STK38L: variants seen among roughly 807,000 people sequenced by gnomAD.
STK38L encodes serine/threonine-protein kinase 38-like.
STK38L carries 28 observed loss-of-function variants against 59.7 expected under a neutral mutation model. That is an observed-to-expected ratio of 0.47 (90% confidence interval 0.35 to 0.64). The LOEUF is 0.64. Among genes scored for constraint, STK38L ranks in the 30% least tolerant of loss-of-function variants. The probability of loss-of-function intolerance (pLI) is 0.01; values close to 1 mark genes in which losing one functional copy is unlikely to be tolerated. For missense variants in STK38L, 314 were observed against 555.8 expected (o/e 0.56, Z 4.37); for synonymous variants, 162 against 176.8 (o/e 0.92, Z 0.66).
At chr12:27,296,328 C>G (rs1944020998) in intron 1 of STK38L, among the ~76,000 whole-genome samples, 2 of 152,196 alleles carry the variant, frequency 1.3e-5, no homozygotes, top group Admixed American at 6.5e-5. Flanking sequence ...TTAAAGTAGT[C>G]AGCAGAGGAA....
intron 1 of STK38L, among the ~76,000 whole-genome samples, chr12:27,294,035 G>A (rs1943954566): frequency 6.6e-6 from 1 of 152,118 alleles, no homozygotes; most frequent in Non-Finnish European, 1.5e-5. Flanking sequence ...GCTCTTTAAT[G>A]GTACTTTTAA....
intron 1 of STK38L, among the ~76,000 whole-genome samples, chr12:27,275,631 G>T (rs988307381): frequency 6.6e-6 from 1 of 152,118 alleles, no homozygotes; most frequent in East Asian, 1.9e-4. Context: ...GAGCCACCAC[G>T]CCCGGACTGA....
At chr12:27,307,743 A>G (rs1266306488) in intron 3 of STK38L, among the ~76,000 whole-genome samples, 2 of 152,202 alleles carry the variant, frequency 1.3e-5, no homozygotes, top group Non-Finnish European at 2.9e-5. Context: ...TGGTCTTTGT[A>G]GAATCAGTTA....
At chr12:27,254,021 T>C (rs1399025201) in intron 1 of STK38L, among the ~76,000 whole-genome samples, 1 of 152,098 alleles carries the variant, frequency 6.6e-6, no homozygotes. Context: ...TTTTGTGAAA[T>C]TAAACAGAAA....
Position 27,259,284 on chromosome 12 carries a change from G to A in STK38L, c.-12+14952G>A, listed in dbSNP as rs76751484. Among the ~76,000 whole-genome samples the A allele has an allele frequency of 2.5e-3, 376 of 152,160 alleles. 3 individuals are homozygous for A. Among genetic ancestry groups the A allele is most frequent in the African/African-American group, 8.5e-3 (352 of 41,502 alleles). ...CTTTGTCTCCTGTCTTAACCTCTTT[G>A]GTCTTCCTGACTTGTTAAAGAGTTA... On this transcript the variant is annotated intron_variant, in intron 1 of 13. Transcript: ENST00000389032.
chr12:27,268,671 T>C (rs1422523092), intron 1 of STK38L, among the ~76,000 whole-genome samples: 1 of 152,132 alleles, frequency 6.6e-6, no homozygotes, highest in Non-Finnish European at 1.5e-5. Context: ...ATTTCTAGTT[T>C]TAGATCCCTG....
At chr12:27,285,501 T>A (rs1197035839) in intron 1 of STK38L, among the ~76,000 whole-genome samples, 2 of 152,198 alleles carry the variant, frequency 1.3e-5, no homozygotes, top group African/African-American at 4.8e-5. Flanking sequence ...TATTCAAAGT[T>A]TACTTTTAAG....
intron 5 of STK38L, among the ~76,000 whole-genome samples, chr12:27,312,134 C>T (rs1024695334): frequency 3.0e-5 from 4 of 132,116 alleles, no homozygotes; most frequent in Non-Finnish European, 7.3e-5. Flanking sequence ...CTGCCCTGGC[C>T]TCCCAAAGTG....
chr12:27,255,302 A>G (rs1943068800), intron 1 of STK38L, among the ~76,000 whole-genome samples: 1 of 152,238 alleles, frequency 6.6e-6, no homozygotes, highest in Admixed American at 6.5e-5. Context: ...CTAAGAAATT[A>G]GAGCCTGTGC....
chr12:27,272,343 A>G (rs1447695554), intron 1 of STK38L, among the ~76,000 whole-genome samples: 2 of 152,220 alleles, frequency 1.3e-5, no homozygotes, highest in Non-Finnish European at 2.9e-5. Flanking sequence ...GATCTGCTGT[A>G]TGGTATTATG....
intron 12 of STK38L, among the ~76,000 whole-genome samples, chr12:27,320,221 A>G (rs1944691597): frequency 1.3e-5 from 2 of 152,144 alleles, no homozygotes; most frequent in South Asian, 4.1e-4. Flanking sequence ...TCCTTGGTAC[A>G]GCTCTTCACT....
chr12:27,277,541 A>G (rs1163940681), intron 1 of STK38L, among the ~76,000 whole-genome samples: 1 of 152,196 alleles, frequency 6.6e-6, no homozygotes, highest in Non-Finnish European at 1.5e-5. Flanking sequence ...AAAGGACATA[A>G]TTGAGGAAGG....
At chr12:27,297,662 A>G in intron 1 of STK38L, 48 bp from the exon 2 acceptor site, 3 of 1,561,326 alleles carry the variant, frequency 1.9e-6, no homozygotes, top group Non-Finnish European at 2.6e-6. Context: ...TATAAAAGAT[A>G]GGGGTTTTTT....
chr12:27,277,818 TA>T (rs890432380), intron 1 of STK38L, among the ~76,000 whole-genome samples: 16 of 147,722 alleles, frequency 1.1e-4, no homozygotes, highest in Admixed American at 3.4e-4. Flanking sequence ...TTTCTCCCCT[TA>T]AAAAAAAAAG....
chr12:27,252,470 CTT>C (rs1251491754), intron 1 of STK38L, among the ~76,000 whole-genome samples: 1 of 152,154 alleles, frequency 6.6e-6, no homozygotes, highest in Non-Finnish European at 1.5e-5. Context: ...TTCATTTTTA[CTT>C]AGTTAAGTGT....
intron 1 of STK38L, among the ~76,000 whole-genome samples, chr12:27,268,725 A>T (rs1253547213): frequency 6.6e-6 from 1 of 152,200 alleles, no homozygotes; most frequent in African/African-American, 2.4e-5. Context: ...ACTAGTTTAC[A>T]GTCCCACCAA....
At chr12:27,268,724 C>T (rs1038605669) in intron 1 of STK38L, among the ~76,000 whole-genome samples, 1 of 152,174 alleles carries the variant, frequency 6.6e-6, no homozygotes, top group African/African-American at 2.4e-5. Flanking sequence ...AACTAGTTTA[C>T]AGTCCCACCA....
rs1944826191 is a variant in STK38L, at chr12:27,325,937, G to C, written c.*3482G>C. ...CAAAATTTCATTGAAGGTAAGATAA[G>C]AATAAAAACTATGTTTACAAAATTT... On this transcript the variant is annotated 3_prime_UTR_variant, in exon 14 of 14. Transcript: ENST00000389032. 1 of 152,074 alleles carries C rather than the reference G, an allele frequency of 6.6e-6. No homozygotes were observed. The highest frequency in any genetic ancestry group is 6.5e-5 in the Admixed American group (1 of 15,268). The allele number at this position is 152,074 out of a possible 1,614,324, so 9.4% of individuals were successfully genotyped here. A position where few individuals can be genotyped will look rare whatever the true frequency, so the allele number is the denominator to read the frequency against.
Position 27,247,712 on chromosome 12 carries a change from C to CT in STK38L, c.-12+3382dup, listed in dbSNP as rs574757194. ...TTTTTTAAAGAAAGAACCTCACTGT[C>CT]TTGCCCAGCCTGGACTCGAACTTCT... On this transcript the variant is annotated intron_variant, in intron 1 of 13. Coordinates refer to ENST00000389032, the MANE Select transcript of STK38L (RefSeq NM_015000.4). Among the ~76,000 whole-genome samples the CT allele has an allele frequency of 1.8e-4, 27 of 151,596 alleles. No individual in the cohort carries two copies. The East Asian group carries it at 5.0e-3, about 28-fold the overall frequency.
Sources: gnomAD v4.1 joint callset for allele counts (sites outside exome capture counted in the v4.1 genomes callset) on GRCh38, gnomAD v4.1.1 for gene constraint, MANE v1.5 for transcripts, NCBI Gene and HGNC (gene_info 2026-07-23, HGNC 2026-07-21) for gene names.